Variants in SEPTIN9 observed in about 807,000 individuals in gnomAD.
The protein encoded by SEPTIN9 is septin-9.
Under a neutral mutation model 56.6 loss-of-function variants are expected in SEPTIN9, and 13 were observed. That is an observed-to-expected ratio of 0.23 (90% CI 0.15 to 0.37). The LOEUF is 0.37. Ranked by LOEUF, SEPTIN9 falls within the 10% of genes least tolerant of loss-of-function variation. The pLI is 1.00. For synonymous variants in SEPTIN9, 332 were observed against 334.1 expected, an observed-to-expected ratio of 0.99 and a Z score of 0.07; for missense variants, 650 against 823.1, an observed-to-expected ratio of 0.79 and a Z score of 2.57.
intron 2 of SEPTIN9, among the ~76,000 whole-genome samples, chr17:77,345,545 G>A (rs564257906): frequency 6.6e-6 from 1 of 152,330 alleles, no homozygotes; most frequent in African/African-American, 2.4e-5. Context: ...AGCTTACTGG[G>A]TAGCCGAGAA....
At chr17:77,422,545 G>A (rs568713318) in intron 3 of SEPTIN9, among the ~76,000 whole-genome samples, 1 of 152,292 alleles carries the variant, frequency 6.6e-6, no homozygotes, top group South Asian at 2.1e-4. Context: ...AGCGGGCTGG[G>A]GGTGGGTGGT....
chr17:77,343,509 A>C (rs1458297006), intron 2 of SEPTIN9, among the ~76,000 whole-genome samples: 1 of 152,218 alleles, frequency 6.6e-6, no homozygotes, highest in African/African-American at 2.4e-5. Flanking sequence ...AGCAATTTTA[A>C]GTAAACTGAT....
intron 2 of SEPTIN9, among the ~76,000 whole-genome samples, chr17:77,341,936 A>G (rs1363424648): frequency 6.6e-6 from 1 of 151,322 alleles, no homozygotes; most frequent in Non-Finnish European, 1.5e-5. Context: ...CGAAAAAAAT[A>G]GCCGGGCGTG....
chr17:77,325,017 C>T (rs922263844), intron 2 of SEPTIN9, among the ~76,000 whole-genome samples: 5 of 152,078 alleles, frequency 3.3e-5, no homozygotes, highest in Non-Finnish European at 1.5e-5. Flanking sequence ...CGGGGTTTCA[C>T]TGTGTTGACT....
Position 77,499,534 on chromosome 17 carries a change from C to T in SEPTIN9, c.*876C>T, listed in dbSNP as rs3826284. The stretch of plus-strand genomic sequence containing the variant: ...TGGTGGAGGAGCTGAGGGAGGGAGC[C>T]ATGGAAGGTGCCAGAAGGAAGGTTG... On this transcript the variant is annotated 3_prime_UTR_variant, in exon 12 of 12. Transcript: ENST00000427177. The T allele has an allele frequency of 6.0e-3, 2,775 of 461,664 alleles. 78 individuals are homozygous for T. The highest frequency in any genetic ancestry group is 0.048 in the East Asian group (1,202 of 25,072). The allele number at this position is 461,664 out of a possible 1,614,324, so 28.6% of individuals were successfully genotyped here.
intron 10 of SEPTIN9, 110 bp downstream of exon 10, chr17:77,493,186 T>G (rs1295812135): frequency 2.6e-5 from 21 of 808,706 alleles, no homozygotes; most frequent in Non-Finnish European, 3.8e-5. Flanking sequence ...CCTCATCCAC[T>G]GCCTTGCCCC....
chr17:77,463,902 G>T (rs1250799722), intron 3 of SEPTIN9, among the ~76,000 whole-genome samples: 1 of 152,038 alleles, frequency 6.6e-6, no homozygotes, highest in Non-Finnish European at 1.5e-5. Context: ...CGCTGAAAAT[G>T]TCAAATCCTA....
At chr17:77,414,421 G>C (rs2036419795) in intron 3 of SEPTIN9, among the ~76,000 whole-genome samples, 1 of 152,102 alleles carries the variant, frequency 6.6e-6, no homozygotes, top group Non-Finnish European at 1.5e-5. Flanking sequence ...AGTCTATTCA[G>C]AGAGTAGTGC....
At chr17:77,438,057 G>T (rs2144324657) in intron 3 of SEPTIN9, among the ~76,000 whole-genome samples, 1 of 152,372 alleles carries the variant, frequency 6.6e-6, no homozygotes, top group Admixed American at 6.5e-5. Context: ...GGCTTTCAGA[G>T]GGGCTGAGGG....
intron 2 of SEPTIN9, among the ~76,000 whole-genome samples, chr17:77,338,544 G>T (rs891727445): frequency 1.3e-5 from 2 of 151,920 alleles, no homozygotes; most frequent in Non-Finnish European, 2.9e-5. Flanking sequence ...TCAGCCTCCC[G>T]AGTAGCTGGG....
rs184532816 is a variant in SEPTIN9 at position 77,283,988 on chromosome 17, C to T, written c.19+2434C>T. Among the ~76,000 whole-genome samples the T allele has an allele frequency of 1.7e-4, 26 of 152,302 alleles. No homozygotes were observed. The East Asian group carries it at 2.3e-3, about 14-fold the overall frequency. On this transcript the variant is annotated intron_variant, in intron 1 of 11. Transcript: ENST00000427177. ...GCCTCCAAATACTACAGGAATGCCC[C>T]GGAGGTTTTAGGTGGAGGTGAGATT...
At chr17:77,362,652 G>C (rs560899296) in intron 2 of SEPTIN9, among the ~76,000 whole-genome samples, 11 of 152,222 alleles carry the variant, frequency 7.2e-5, no homozygotes, top group Non-Finnish European at 1.5e-5. Flanking sequence ...CTGTGCCTTC[G>C]CAGTCTGAGC....
At chr17:77,426,098 G>A (rs2036899671) in intron 3 of SEPTIN9, among the ~76,000 whole-genome samples, 1 of 152,094 alleles carries the variant, frequency 6.6e-6, no homozygotes, top group South Asian at 2.1e-4. Flanking sequence ...CAGGCCCCCA[G>A]GCCTCCCATG....
intron 2 of SEPTIN9, chr17:77,320,123 A>G (rs749392754): frequency 4.8e-6 from 7 of 1,470,804 alleles, no homozygotes; most frequent in Non-Finnish European, 6.3e-6. Context: ...GCACAAACAT[A>G]TGATCAGCAC....
At chr17:77,346,908 G>T (rs1449633542) in intron 2 of SEPTIN9, among the ~76,000 whole-genome samples, 4 of 152,134 alleles carry the variant, frequency 2.6e-5, no homozygotes, top group African/African-American at 9.7e-5. Flanking sequence ...GCCATGTGGG[G>T]ACACAGCAGG....
Position 77,453,987 on chromosome 17 carries a change from T to C in SEPTIN9, c.722-28157T>C, listed in dbSNP as rs1295444267. ...ACCAGCAGCTTCCGTTATCTGGTTC[T>C]TCTGTACATGTAAGCCTTTCCCATA... On this transcript the variant is annotated intron_variant, in intron 3 of 11. Coordinates refer to ENST00000427177, the MANE Select transcript of SEPTIN9 (RefSeq NM_001113491.2). This position sits in a 1 kb window ranked among gnomAD's most constrained non-coding sequence, Gnocchi z 4.4. The C allele has an allele frequency of 1.1e-6, 1 of 916,152 alleles. No individual in the cohort carries two copies. Among genetic ancestry groups the C allele is most frequent in the Non-Finnish European group, 1.3e-6 (1 of 766,720 alleles). 56.8% of individuals were successfully genotyped at this position (916,152 alleles called of 1,614,324 possible).
At chr17:77,488,151 C>T (rs2039874304) in intron 5 of SEPTIN9, 89 bp from the exon 6 acceptor site, 7 of 1,214,694 alleles carry the variant, frequency 5.8e-6, no homozygotes, top group Non-Finnish European at 8.5e-6. Context: ...TCGCTGCCTA[C>T]CTGGGGTTGC....
At position 77,318,338 on chromosome 17, in the gene SEPTIN9, C is replaced by G. The variant is rs926853829; in HGVS notation, c.76+11141C>G. Among the ~76,000 whole-genome samples, 1 of 152,042 alleles carries G rather than the reference C, an allele frequency of 6.6e-6. No homozygotes were observed. Among genetic ancestry groups the G allele is most frequent in the Non-Finnish European group, 1.5e-5 (1 of 68,012 alleles). ...CTGTCTGTGTCAAATCTCCCTCTGC[C>G]CCCGTCTTGTATGAGCACCGAGACT... On this transcript the variant is annotated intron_variant, in intron 2 of 11. Transcript: ENST00000427177. This position sits in a 1 kb window ranked among gnomAD's most constrained non-coding sequence, Gnocchi z 4.9.
chr17:77,389,524 A>G lies in SEPTIN9; in HGVS notation c.77-12535A>G, dbSNP rs867172908. Among the ~76,000 whole-genome samples, 7 of 152,060 alleles carry G rather than the reference A, an allele frequency of 4.6e-5. No homozygotes were observed. Among genetic ancestry groups the G allele is most frequent in the African/African-American group, 9.7e-5 (4 of 41,388 alleles). ...TGCAGCCTGTGGTTTTTCGAAGTCA[A>G]TCACCTCCCAGGGCCTCGCTCCTGC... On this transcript the variant is annotated intron_variant, in intron 2 of 11. Coordinates refer to ENST00000427177, the MANE Select transcript of SEPTIN9 (RefSeq NM_001113491.2). The surrounding 1 kb of genome is among the most constrained non-coding windows in gnomAD (Gnocchi z 4.3).
Sources: gnomAD v4.1 joint callset for allele counts (sites outside exome capture counted in the v4.1 genomes callset) on GRCh38, gnomAD v4.1.1 for gene constraint, Gnocchi (gnomAD v3.1) non-coding constraint, MANE v1.5 for transcripts, NCBI Gene and HGNC (gene_info 2026-07-23, HGNC 2026-07-21) for gene names.